CNTNAP5: variants seen among roughly 807,000 people sequenced by gnomAD.
The protein encoded by CNTNAP5 is contactin associated protein family member 5.
CNTNAP5 carries 72 observed loss-of-function variants against 150.2 expected under a neutral mutation model. The observed-to-expected ratio is 0.48, with a 90% CI of 0.40 to 0.58. The LOEUF (loss-of-function observed/expected upper bound fraction) is 0.58. Among genes scored for constraint, CNTNAP5 ranks in the 20% least tolerant of loss-of-function variants. The pLI is 0.00. For missense variants in CNTNAP5, 1,636 were observed against 1,626.2 expected, an observed-to-expected ratio of 1.01 and a Z score of -0.10; for synonymous variants, 672 against 619.8, an observed-to-expected ratio of 1.08 and a Z score of -1.25.
intron 1 of CNTNAP5, among the ~76,000 whole-genome samples, chr2:124,103,173 T>C (rs558345620): frequency 6.6e-6 from 1 of 152,232 alleles, no homozygotes; most frequent in African/African-American, 2.4e-5. Flanking sequence ...TAGAAAAAAG[T>C]CTTACAAAAT....
intron 16 of CNTNAP5, among the ~76,000 whole-genome samples, chr2:124,767,713 A>G (rs897361897): frequency 2.0e-4 from 30 of 152,194 alleles, no homozygotes; most frequent in Non-Finnish European, 1.6e-4. Flanking sequence ...ACTGGCAACC[A>G]CAAGAATGGG....
intron 1 of CNTNAP5, among the ~76,000 whole-genome samples, chr2:124,098,884 G>A (rs1683000527): frequency 6.6e-6 from 1 of 152,168 alleles, no homozygotes; most frequent in African/African-American, 2.4e-5. Context: ...AATTGATCCT[G>A]TGGACGCAGC....
At chr2:124,194,980 A>C (rs1037967487) in intron 1 of CNTNAP5, among the ~76,000 whole-genome samples, 1 of 152,074 alleles carries the variant, frequency 6.6e-6, no homozygotes, top group Admixed American at 6.5e-5. Context: ...CAAAAATCAT[A>C]ACTAAATGGA....
At chr2:124,220,534 A>C (rs1573846197) in intron 1 of CNTNAP5, among the ~76,000 whole-genome samples, 1 of 152,162 alleles carries the variant, frequency 6.6e-6, no homozygotes, top group African/African-American at 2.4e-5. Flanking sequence ...TTATTACAAA[A>C]AATTTAGATG....
At chr2:124,200,489 C>T (rs1190514110) in intron 1 of CNTNAP5, among the ~76,000 whole-genome samples, 2 of 152,042 alleles carry the variant, frequency 1.3e-5, no homozygotes, top group Non-Finnish European at 2.9e-5. Flanking sequence ...AAGTCACACC[C>T]TATTTTACTT....
At chr2:124,218,743 A>G (rs1686227031) in intron 1 of CNTNAP5, among the ~76,000 whole-genome samples, 1 of 152,188 alleles carries the variant, frequency 6.6e-6, no homozygotes, top group Admixed American at 6.6e-5. Context: ...TCAGCACCTC[A>G]TGATGGAGGG....
intron 21 of CNTNAP5, among the ~76,000 whole-genome samples, chr2:124,894,564 T>A (rs1281426259): frequency 4.0e-5 from 6 of 151,072 alleles, no homozygotes; most frequent in African/African-American, 1.5e-4. Context: ...TTTTTCTTTT[T>A]TTTTTTTAAG....
chr2:124,851,611 G>A (rs115433228), intron 19 of CNTNAP5, among the ~76,000 whole-genome samples: 59 of 152,288 alleles, frequency 3.9e-4, no homozygotes, highest in African/African-American at 1.3e-3. Flanking sequence ...CAGTAAATGT[G>A]GGGGCGGGAC....
At chr2:124,180,014 A>T (rs928685609) in intron 1 of CNTNAP5, among the ~76,000 whole-genome samples, 1 of 152,156 alleles carries the variant, frequency 6.6e-6, no homozygotes, top group Non-Finnish European at 1.5e-5. Flanking sequence ...GGGTAATTCC[A>T]CAGTGAATGA....
At chr2:124,654,737 A>T (rs913548328) in intron 13 of CNTNAP5, among the ~76,000 whole-genome samples, 1 of 151,420 alleles carries the variant, frequency 6.6e-6, no homozygotes, top group African/African-American at 2.4e-5. Flanking sequence ...TCTTTCTTTC[A>T]TCTTTTTCTT....
intron 19 of CNTNAP5, among the ~76,000 whole-genome samples, chr2:124,820,976 C>T (rs1682473392): frequency 6.6e-6 from 1 of 152,158 alleles, no homozygotes; most frequent in Admixed American, 6.5e-5. Flanking sequence ...TGGAAATATG[C>T]AGTGGTTCTC....
At chr2:124,685,138 G>A (rs1384443258) in intron 13 of CNTNAP5, among the ~76,000 whole-genome samples, 5 of 152,136 alleles carry the variant, frequency 3.3e-5, no homozygotes, top group Non-Finnish European at 7.4e-5. Context: ...TCTTCAAAAT[G>A]TAAATTGCTT....
At chr2:124,773,987 C>A (rs1290677854) in intron 17 of CNTNAP5, among the ~76,000 whole-genome samples, 1 of 145,440 alleles carries the variant, frequency 6.9e-6, no homozygotes, top group African/African-American at 2.5e-5. Flanking sequence ...ACAGGGTGAG[C>A]CTTATAGCTG....
Position 124,903,117 on chromosome 2 carries a change from G to T in CNTNAP5, c.3655+17G>T, listed in dbSNP as rs563106232. ...CTTCATCAGGTACACTCAAGAGCAT[G>T]CACAAGGGAGCTTCTGTCACTAGCA... On this transcript the variant is annotated intron_variant, in intron 22 of 23. Transcript: ENST00000682447. The T allele has an allele frequency of 1.8e-5, 26 of 1,457,530 alleles. No individual in the cohort carries two copies. In the South Asian group the frequency reaches 3.5e-4, roughly 20 times the overall value. The allele number at this position is 1,457,530 out of a possible 1,614,324, so 90.3% of individuals were successfully genotyped here.
intron 19 of CNTNAP5, among the ~76,000 whole-genome samples, chr2:124,863,877 A>C (rs2104718622): frequency 6.6e-6 from 1 of 152,294 alleles, no homozygotes; most frequent in African/African-American, 2.4e-5. Context: ...TTCTCAGCTC[A>C]AATTTGAGCA....
chr2:124,780,393 C>T (rs73955808), intron 17 of CNTNAP5, among the ~76,000 whole-genome samples: 4 of 152,142 alleles, frequency 2.6e-5, no homozygotes, highest in Non-Finnish European at 5.9e-5. Context: ...TCCCTCCCTA[C>T]GCTGGATTTT....
chr2:124,351,750 C>G (rs1205743786), intron 3 of CNTNAP5, among the ~76,000 whole-genome samples: 1 of 152,038 alleles, frequency 6.6e-6, no homozygotes, highest in Non-Finnish European at 1.5e-5. Context: ...TTGGTAGTGT[C>G]GAAGAATATT....
intron 13 of CNTNAP5, among the ~76,000 whole-genome samples, chr2:124,698,887 T>C (rs899961161): frequency 2.0e-5 from 3 of 152,100 alleles, no homozygotes; most frequent in Non-Finnish European, 1.5e-5. Context: ...ACTTCCTCTC[T>C]TTTCCTCAGT....
chr2:124,428,232 G>A (rs1272229971), intron 4 of CNTNAP5, among the ~76,000 whole-genome samples: 23 of 152,072 alleles, frequency 1.5e-4, no homozygotes, highest in Admixed American at 1.5e-3. Context: ...CAGGACTCTG[G>A]AGAAACATTG....
Sources: gnomAD v4.1 joint callset for allele counts (sites outside exome capture counted in the v4.1 genomes callset) on GRCh38, gnomAD v4.1.1 for gene constraint, MANE v1.5 for transcripts, NCBI Gene and HGNC (gene_info 2026-07-23, HGNC 2026-07-21) for gene names.